Variants in FBXO16 observed in about 807,000 individuals in gnomAD.
FBXO16 encodes the protein F-box protein 16.
Under a neutral mutation model 41.0 loss-of-function variants are expected in FBXO16, and 31 were observed. The ratio of observed to expected loss-of-function variants is 0.76; its 90% CI spans 0.57 to 1.02. FBXO16 has a LOEUF of 1.02. Among genes scored for constraint, FBXO16 ranks in the 50% least tolerant of loss-of-function variants. The pLI is 0.00. For missense variants in FBXO16, 361 were observed against 346.2 expected (o/e 1.04, Z -0.34); for synonymous variants, 133 against 117.8 (o/e 1.13, Z -0.84).
At chr8:28,438,890 A>G (rs1585891843) in intron 7 of FBXO16, among the ~76,000 whole-genome samples, 1 of 152,054 alleles carries the variant, frequency 6.6e-6, no homozygotes, top group Non-Finnish European at 1.5e-5. Context: ...TCTTGAGGTC[A>G]GGAGTTTGAG....
At chr8:28,467,322 T>C (rs1197543390) in intron 3 of FBXO16, among the ~76,000 whole-genome samples, 1 of 152,196 alleles carries the variant, frequency 6.6e-6, no homozygotes, top group African/African-American at 2.4e-5. Context: ...GGGTTGATGG[T>C]GGGCTTAGGA....
In FBXO16 at chr8:28,452,218, G is replaced by A. The variant is rs112864205; in HGVS notation, c.740+26C>T. On this transcript the variant is annotated intron_variant, in intron 6 of 8. Coordinates refer to ENST00000380254, the MANE Select transcript of FBXO16 (RefSeq NM_172366.4). ...ATAAATTATTTCTAAAAACGAAGAA[G>A]TTGAGAAGAGCATGGAGCTTCTTAC... 3.7e-5 allele frequency: 59 copies of A among 1,586,922 alleles called. No individual in the cohort carries two copies. The African/African-American group carries it at 5.9e-4, about 16-fold the overall frequency.
rs2130126355 is a variant in FBXO16, at chr8:28,452,250, T to C, written c.734A>G (p.Gln245Arg). 1 of 1,614,006 alleles carries C rather than the reference T, an allele frequency of 6.2e-7. No homozygotes were observed. The highest frequency in any genetic ancestry group is 8.5e-7 in the Non-Finnish European group (1 of 1,179,858). Residue 245 changes from glutamine (Q) to arginine (R), a missense_variant, in exon 6 of 9, where the codon CAG (glutamine) becomes CGG (arginine). Coordinates refer to ENST00000380254, the MANE Select transcript of FBXO16 (RefSeq NM_172366.4). ...AGAGCATGGAGCTTCTTACCCTTGC[T>C]GGACAGTCTCCATGGGGTCACGGTT... Reference protein sequence around the residue: ...LDNRDPMETVQQGRRKRNQMT... With the variant: ...LDNRDPMETVRQGRRKRNQMT...
At chr8:28,443,652 A>C (rs1186043519) in intron 7 of FBXO16, among the ~76,000 whole-genome samples, 2 of 152,176 alleles carry the variant, frequency 1.3e-5, no homozygotes, top group Non-Finnish European at 2.9e-5. Flanking sequence ...AATGAGGCTG[A>C]AACCTACTGG....
At chr8:28,485,262 TC>T (rs2130208790) in intron 1 of FBXO16, among the ~76,000 whole-genome samples, 1 of 152,294 alleles carries the variant, frequency 6.6e-6, no homozygotes, top group Non-Finnish European at 1.5e-5. Context: ...AACCTGCACC[TC>T]CCAGGTTCAA....
At chr8:28,460,805 G>C (rs534552861) in intron 4 of FBXO16, among the ~76,000 whole-genome samples, 1 of 151,944 alleles carries the variant, frequency 6.6e-6, no homozygotes, top group Non-Finnish European at 1.5e-5. Context: ...TGCAATCTTG[G>C]CTCGCTGCAG....
intron 3 of FBXO16, among the ~76,000 whole-genome samples, chr8:28,471,805 C>CACAAA (rs781686111): frequency 4.2e-5 from 1 of 23,728 alleles, no homozygotes; most frequent in Non-Finnish European, 1.4e-4. Context: ...CAGAGAATCT[C>CACAAA]AAAAAAAAAA....
At chr8:28,480,481 CT>C (rs1803493241) in intron 2 of FBXO16, among the ~76,000 whole-genome samples, 1 of 151,836 alleles carries the variant, frequency 6.6e-6, no homozygotes, top group Admixed American at 6.6e-5. Flanking sequence ...GATTCAATTT[CT>C]TTTTTCTTTT....
chr8:28,443,318 C>T (rs1204362291), intron 7 of FBXO16, among the ~76,000 whole-genome samples: 1 of 152,178 alleles, frequency 6.6e-6, no homozygotes, highest in African/African-American at 2.4e-5. Context: ...GCCACTGCCC[C>T]CTGGCCATGT....
intron 7 of FBXO16, among the ~76,000 whole-genome samples, chr8:28,431,315 G>A (rs1007513806): frequency 1.3e-5 from 2 of 152,086 alleles, no homozygotes; most frequent in Non-Finnish European, 2.9e-5. Context: ...GTCTCCTTCG[G>A]CCACCATTCC....
At chr8:28,461,441 A>C (rs962309664) in intron 4 of FBXO16, among the ~76,000 whole-genome samples, 2 of 152,214 alleles carry the variant, frequency 1.3e-5, no homozygotes, top group Non-Finnish European at 2.9e-5. Flanking sequence ...GAGTCAAGAA[A>C]GATGGCATGC....
Position 28,430,645 on chromosome 8 carries a change from A to G in FBXO16, c.844-1242T>C, listed in dbSNP as rs79336548. 1.6e-4 allele frequency among the ~76,000 whole-genome samples: 25 copies of G among 152,324 alleles called. No homozygotes were observed. In the East Asian group the frequency reaches 4.8e-3, roughly 29 times the overall value. On this transcript the variant is annotated intron_variant, in intron 7 of 8. Coordinates refer to ENST00000380254, the MANE Select transcript of FBXO16 (RefSeq NM_172366.4). ...AGAAAATAAACAGGAAGCTTCCTCT[A>G]TGCTCTTTTAGTAACAATGAAGATA...
In FBXO16 at chr8:28,481,066, C is replaced by A. The variant is rs568052012; in HGVS notation, c.99+2282G>T. On this transcript the variant is annotated intron_variant, in intron 2 of 8. Coordinates refer to ENST00000380254, the MANE Select transcript of FBXO16 (RefSeq NM_172366.4). ...CAGGGTTCACTCGGGGGCCCCGAGC[C>A]GGGCCTGGGCATCAGATGTGAGGGA... 2.7e-3 allele frequency among the ~76,000 whole-genome samples: 410 copies of A among 152,212 alleles called. 2 individuals are homozygous for A. The highest frequency in any genetic ancestry group is 4.7e-3 in the Non-Finnish European group (323 of 68,010).
At position 28,452,444 on chromosome 8, in the gene FBXO16, G is replaced by A. The variant is rs762809282; in HGVS notation, c.540C>T (p.Asp180=). 8.7e-6 allele frequency: 14 copies of A among 1,613,978 alleles called. No individual in the cohort carries two copies. The highest frequency in any genetic ancestry group is 6.7e-5 in the Admixed American group (4 of 59,996). The change falls in exon 6 of 9, where the codon GAC becomes GAT. Residue 180 remains aspartate (D), a synonymous_variant. Transcript: ENST00000380254. The part of the protein sequence containing the change: ...TPPKDGFVIA[D]VQLVTSNSPE... ...GAGAATTGCTTGTAACTAGTTGAACGTCAGCGATTACAAATCCATCCTTTG... is the reference window on the plus strand; with the variant it reads ...GAGAATTGCTTGTAACTAGTTGAACATCAGCGATTACAAATCCATCCTTTG...
Position 28,428,605 on chromosome 8 carries a change from C to T in FBXO16, c.*122G>A, listed in dbSNP as rs545934165. 57 of 1,551,360 alleles carry T rather than the reference C, an allele frequency of 3.7e-5. No individual in the cohort carries two copies. The African/African-American group carries it at 6.6e-4, about 18-fold the overall frequency. On this transcript the variant is annotated 3_prime_UTR_variant, in exon 9 of 9. Coordinates refer to ENST00000380254, the MANE Select transcript of FBXO16 (RefSeq NM_172366.4). ...GAACCTGGATGAGTCATGCTTGGGG[C>T]CCAGGGTGCCTGTGAGGATGCTGCA...
In FBXO16 at chr8:28,463,813, G is replaced by A; in HGVS notation, c.141C>T (p.Asp47=). 2 of 1,613,318 alleles carry A rather than the reference G, an allele frequency of 1.2e-6. No homozygotes were observed. Among genetic ancestry groups the A allele is most frequent in the Non-Finnish European group, 1.7e-6 (2 of 1,179,828 alleles). Residue 47 remains aspartate (D), a synonymous_variant, in exon 4 of 9, where the codon GAC becomes GAT. Coordinates refer to ENST00000380254, the MANE Select transcript of FBXO16 (RefSeq NM_172366.4). ...TTCTTCTTTGAGAGTCTGTCCATTTGTCAAACTGGAAACACAAAACAAAGC... is the reference window on the plus strand; with the variant it reads ...TTCTTCTTTGAGAGTCTGTCCATTTATCAAACTGGAAACACAAAACAAAGC... ...ERRALLGKWF[D]KWTDSQRRRI...
intron 3 of FBXO16, among the ~76,000 whole-genome samples, chr8:28,468,992 C>CT (rs1241774945): frequency 1.3e-5 from 2 of 152,058 alleles, no homozygotes; most frequent in Non-Finnish European, 2.9e-5. Context: ...CATGCATTTC[C>CT]TTTTTTTCTA....
At chr8:28,458,299 A>C (rs1352757931) in intron 4 of FBXO16, among the ~76,000 whole-genome samples, 4 of 152,186 alleles carry the variant, frequency 2.6e-5, no homozygotes, top group African/African-American at 9.7e-5. Context: ...GTAGGGCACA[A>C]TTAGAAGAAA....
chr8:28,487,310 A>G (rs747437588), intron 1 of FBXO16, among the ~76,000 whole-genome samples: 1 of 151,350 alleles, frequency 6.6e-6, no homozygotes, highest in Non-Finnish European at 1.5e-5. Context: ...TCCTTCCTCC[A>G]TTCCAGAAGA....
Sources: allele counts gnomAD v4.1 joint callset (sites outside exome capture counted in the v4.1 genomes callset), GRCh38; gene constraint gnomAD v4.1.1; transcripts MANE v1.5; gene names NCBI Gene and HGNC (gene_info 2026-07-23, HGNC 2026-07-21).